Variants in ARFGEF1 observed in about 807,000 individuals in gnomAD.
The protein encoded by ARFGEF1 is brefeldin A-inhibited guanine nucleotide-exchange protein 1.
Under a neutral mutation model 231.0 loss-of-function variants are expected in ARFGEF1, and 42 were observed. That is an observed-to-expected ratio of 0.18 (90% CI 0.14 to 0.24). The LOEUF (loss-of-function observed/expected upper bound fraction) is 0.24. Ranked by LOEUF, ARFGEF1 falls within the 10% of genes least tolerant of loss-of-function variation. The pLI is 1.00. For missense variants in ARFGEF1, 1,345 were observed against 2,192.0 expected (o/e 0.61, Z 7.72); for synonymous variants, 710 against 732.3 (o/e 0.97, Z 0.49).
chr8:67,303,403 G>A (rs753672517), intron 1 of ARFGEF1, among the ~76,000 whole-genome samples: 66 of 151,946 alleles, frequency 4.3e-4, no homozygotes, highest in Non-Finnish European at 8.2e-4. Flanking sequence ...AATCCTACCC[G>A]TAATAGAAGA....
chr8:67,274,371 A>C (rs1243761637), intron 9 of ARFGEF1, among the ~76,000 whole-genome samples: 2 of 151,942 alleles, frequency 1.3e-5, no homozygotes, highest in African/African-American at 4.8e-5. Context: ...ATTCTTTTGG[A>C]AAAATAATAG....
chr8:67,341,760 T>A (rs77255994), intron 1 of ARFGEF1, among the ~76,000 whole-genome samples: 8 of 152,142 alleles, frequency 5.3e-5, no homozygotes, highest in African/African-American at 1.9e-4. Flanking sequence ...GATCTAGATA[T>A]AAATACAGTT....
At chr8:67,318,930 G>A (rs1807451393) in intron 1 of ARFGEF1, among the ~76,000 whole-genome samples, 1 of 152,216 alleles carries the variant, frequency 6.6e-6, no homozygotes, top group Non-Finnish European at 1.5e-5. Context: ...CTAGGCTCAT[G>A]CCACTGCCTG....
At position 67,335,821 on chromosome 8, in the gene ARFGEF1, A is replaced by G. The variant is rs547516489; in HGVS notation, c.124+7343T>C. Among the ~76,000 whole-genome samples, 643 of 151,210 alleles carry G rather than the reference A, an allele frequency of 4.3e-3. 9 individuals carry two copies. The highest frequency in any genetic ancestry group is 0.015 in the African/African-American group (611 of 41,080). On this transcript the variant is annotated intron_variant, in intron 1 of 38. Coordinates refer to ENST00000262215, the MANE Select transcript of ARFGEF1 (RefSeq NM_006421.5). ...GAGTGCAGTAGCACAATCTTGGCTC[A>G]CTGCAACCTCCGCCTTCCAGGTTCA...
intron 14 of ARFGEF1, among the ~76,000 whole-genome samples, chr8:67,263,226 T>C (rs1458795366): frequency 2.6e-5 from 4 of 152,182 alleles, no homozygotes; most frequent in Non-Finnish European, 4.4e-5. Context: ...ATTCAAATGT[T>C]ACCTCTCTGT....
chr8:67,289,549 CAAA>C (rs552601455), intron 6 of ARFGEF1, among the ~76,000 whole-genome samples: 2 of 44,844 alleles, frequency 4.5e-5, no homozygotes, highest in Non-Finnish European at 9.2e-5. Flanking sequence ...ACTCTGTATC[CAAA>C]AAAAAAAAAA....
Position 67,257,762 on chromosome 8 carries a change from G to T in ARFGEF1, c.2496C>A (p.Ile832=). Residue 832 remains isoleucine, a synonymous_variant, in exon 17 of 39, where the codon ATC becomes ATA. Transcript: ENST00000262215. Reference sequence around the variant, plus strand: ...GACTGTGAAGGTCTGTGGTCAACATGATAATTGAATAAGCCAAAACATAAG... The same window carrying T: ...GACTGTGAAGGTCTGTGGTCAACATTATAATTGAATAAGCCAAAACATAAG... ...DTAYVLAYSI[I]MLTTDLHSPQ... 6.2e-7 allele frequency: 1 copy of T among 1,609,798 alleles called. No individual in the cohort carries two copies. Among genetic ancestry groups the T allele is most frequent in the Non-Finnish European group, 8.5e-7 (1 of 1,178,752 alleles).
At chr8:67,337,033 G>A (rs1223526990) in intron 1 of ARFGEF1, among the ~76,000 whole-genome samples, 3 of 149,798 alleles carry the variant, frequency 2.0e-5, no homozygotes, top group African/African-American at 7.4e-5. Context: ...AGAGGCTGAG[G>A]CAGGAGAATG....
chr8:67,289,616 G>A (rs1447341666), intron 6 of ARFGEF1, among the ~76,000 whole-genome samples: 3 of 149,066 alleles, frequency 2.0e-5, no homozygotes, highest in African/African-American at 7.4e-5. Flanking sequence ...TTATAATAGT[G>A]GCTTCTAGGT....
At chr8:67,186,477 T>G (rs945346954) in intron 5 of ARFGEF1, among the ~76,000 whole-genome samples, 11 of 149,924 alleles carry the variant, frequency 7.3e-5, no homozygotes, top group Non-Finnish European at 1.5e-4. Flanking sequence ...ACAAATCTGA[T>G]AACCTAAAGT....
At chr8:67,209,686 T>C (rs1167657643) in intron 34 of ARFGEF1, among the ~76,000 whole-genome samples, 1 of 152,192 alleles carries the variant, frequency 6.6e-6, no homozygotes, top group African/African-American at 2.4e-5. Context: ...GGAACTGAAT[T>C]GATCCAGTAA....
At chr8:67,179,948 A>G (rs771991820) in intron 5 of ARFGEF1, 1 of 1,347,858 alleles carries the variant, frequency 7.4e-7, no homozygotes, top group South Asian at 1.2e-5. Flanking sequence ...TATTTTATTA[A>G]GGCTATATTG....
chr8:67,342,330 C>T (rs1279513420), intron 1 of ARFGEF1, among the ~76,000 whole-genome samples: 3 of 152,154 alleles, frequency 2.0e-5, no homozygotes, highest in Non-Finnish European at 4.4e-5. Flanking sequence ...TTCCCTGCTG[C>T]GGGCTTCATT....
chr8:67,287,185 C>G (rs1292336774), intron 7 of ARFGEF1, among the ~76,000 whole-genome samples: 1 of 152,200 alleles, frequency 6.6e-6, no homozygotes, highest in African/African-American at 2.4e-5. Context: ...CTCACTGTGT[C>G]TAAACTGTAC....
intron 19 of ARFGEF1, among the ~76,000 whole-genome samples, chr8:67,251,014 G>A (rs1338193416): frequency 6.6e-6 from 1 of 152,180 alleles, no homozygotes; most frequent in African/African-American, 2.4e-5. Flanking sequence ...CTCATTTAGA[G>A]AAAATCAGGC....
intron 32 of ARFGEF1, 98 bp from the exon 33 acceptor site, chr8:67,216,760 C>T (rs1838949831): frequency 1.2e-6 from 1 of 844,684 alleles, no homozygotes; most frequent in Admixed American, 3.0e-5. Flanking sequence ...CAAGAACATA[C>T]CAACTAAACA....
At chr8:67,294,052 AC>A (rs1241140120) in intron 5 of ARFGEF1, among the ~76,000 whole-genome samples, 8 of 152,160 alleles carry the variant, frequency 5.3e-5, no homozygotes, top group Admixed American at 6.6e-5. Flanking sequence ...TCTGTACTGA[AC>A]AAACATGTAC....
chr8:67,192,431 A>G (rs1044786112), intron 5 of ARFGEF1, among the ~76,000 whole-genome samples: 1 of 152,188 alleles, frequency 6.6e-6, no homozygotes, highest in African/African-American at 2.4e-5. Flanking sequence ...GTTCTTTTAC[A>G]TTCTCACTAC....
intron 1 of ARFGEF1, 71 bp downstream of exon 1, chr8:67,343,093 A>AGGGGGCCCCCCCCCCCC: frequency 5.4e-6 from 1 of 184,674 alleles, no homozygotes; most frequent in Non-Finnish European, 1.0e-5. Context: ...GGGCGACCCC[A>AGGGGGCCCCCCCCCCCC]CCCCCCCACA....
Sources: allele counts gnomAD v4.1 joint callset (sites outside exome capture counted in the v4.1 genomes callset), GRCh38; gene constraint gnomAD v4.1.1; transcripts MANE v1.5; gene names NCBI Gene and HGNC (gene_info 2026-07-23, HGNC 2026-07-21).